SYNE1: variants seen among roughly 807,000 people sequenced by gnomAD.
SYNE1 encodes nesprin-1.
SYNE1 carries 616 observed loss-of-function variants against 1,111.0 expected under a neutral mutation model. That is an observed-to-expected ratio of 0.55 (90% confidence interval 0.52 to 0.59). The LOEUF (loss-of-function observed/expected upper bound fraction) is 0.59, where lower values mean the gene tolerates loss of function less well. SYNE1 is among the 20% of genes least tolerant of loss of function. SYNE1 has a pLI of 0.00. For synonymous variants in SYNE1, 3,855 were observed against 3,825.8 expected, an observed-to-expected ratio of 1.01 and a Z score of -0.28; for missense variants, 10,006 against 10,417.0, an observed-to-expected ratio of 0.96 and a Z score of 1.72.
At chr6:152,629,324 C>G (rs2099692859) in intron 2 of SYNE1, among the ~76,000 whole-genome samples, 1 of 151,910 alleles carries the variant, frequency 6.6e-6, no homozygotes, top group African/African-American at 2.4e-5. Flanking sequence ...CATGCCTCAG[C>G]CTCCTAAGTA....
intron 34 of SYNE1, chr6:152,433,565 A>C (rs902978113): frequency 5.5e-5 from 31 of 562,134 alleles, no homozygotes; most frequent in African/African-American, 3.9e-4. Context: ...ATTTCACACA[A>C]TATTAACTTT....
chr6:152,198,768 C>G (rs567988652), intron 127 of SYNE1, among the ~76,000 whole-genome samples: 3 of 152,256 alleles, frequency 2.0e-5, no homozygotes, highest in Admixed American at 6.5e-5. Context: ...AGATTGCTGA[C>G]TTCTATGGGC....
At chr6:152,524,398 C>A (rs1011323628) in intron 5 of SYNE1, among the ~76,000 whole-genome samples, 1 of 152,074 alleles carries the variant, frequency 6.6e-6, no homozygotes, top group Admixed American at 6.6e-5. Flanking sequence ...ACATAAACTT[C>A]TTGAATACCT....
At chr6:152,224,365 A>C in intron 117 of SYNE1, 129 bp downstream of exon 117, 5 of 906,682 alleles carry the variant, frequency 5.5e-6, no homozygotes, top group Non-Finnish European at 8.3e-6. Context: ...AATTAATTTT[A>C]AAGATCTTAA....
chr6:152,333,002 T>C (rs2096283338), intron 77 of SYNE1, among the ~76,000 whole-genome samples: 1 of 151,986 alleles, frequency 6.6e-6, no homozygotes, highest in Admixed American at 6.6e-5. Context: ...ATGTTAAGTA[T>C]CAAAGAAAAG....
In SYNE1 at chr6:152,154,890, A is replaced by G. The variant is rs544985182; in HGVS notation, c.24129+2T>C. The G allele has an allele frequency of 8.7e-6, 14 of 1,614,086 alleles. No individual in the cohort carries two copies. The East Asian group carries it at 3.1e-4, about 36-fold the overall frequency. ...GATTAAAAATTTGGAATTATAGATT[A>G]CCTCAAATTTCTTTAGTTCTTCCTT... On this transcript the variant is annotated splice_donor_variant, in intron 133 of 145. Coordinates refer to ENST00000367255, the MANE Select transcript of SYNE1 (RefSeq NM_182961.4). LOFTEE classifies it high-confidence loss of function.
At chr6:152,128,660 G>C (rs73625130) in intron 145 of SYNE1, 1 of 152,186 alleles carries the variant, frequency 6.6e-6, no homozygotes, top group South Asian at 2.1e-4. Flanking sequence ...GGAAGAATGC[G>C]TATCTAAAAA....
At chr6:152,208,356 G>A in intron 124 of SYNE1, 150 bp from the exon 125 acceptor site, 2 of 726,806 alleles carry the variant, frequency 2.8e-6, no homozygotes, top group Non-Finnish European at 4.7e-6. Flanking sequence ...TCTCTTACTG[G>A]GTTTTGGGTC....
At position 152,370,015 on chromosome 6, in the gene SYNE1, A is replaced by C. The variant is rs1261685437; in HGVS notation, c.9508-401T>G. 3.5e-5 allele frequency among the ~76,000 whole-genome samples: 5 copies of C among 143,806 alleles called. No individual in the cohort carries two copies. In the East Asian group the frequency reaches 1.0e-3, roughly 29 times the overall value. The allele number at this position is 143,806 out of a possible 152,430, so 94.3% of individuals were successfully genotyped here. On this transcript the variant is annotated intron_variant, in intron 59 of 145. Coordinates refer to ENST00000367255, the MANE Select transcript of SYNE1 (RefSeq NM_182961.4). ...AAAAAAAAAAAAAAAAAAATTCCACAAAAAAAAAACCAAGCCCGCTCCAAA... is the reference window on the plus strand; with the variant it reads ...AAAAAAAAAAAAAAAAAAATTCCACCAAAAAAAAACCAAGCCCGCTCCAAA...
intron 60 of SYNE1, 123 bp downstream of exon 60, chr6:152,369,348 A>G: frequency 1.3e-6 from 2 of 1,492,970 alleles, no homozygotes; most frequent in South Asian, 2.3e-5. Context: ...GAAATGGGGA[A>G]AAACACACTA....
At chr6:152,482,988 T>A in intron 14 of SYNE1, 97 bp downstream of exon 14, 1 of 1,354,952 alleles carries the variant, frequency 7.4e-7, no homozygotes. Context: ...AGAATTAATA[T>A]TTGGGGCGTC....
chr6:152,574,386 C>T (rs2099487997), intron 3 of SYNE1, among the ~76,000 whole-genome samples: 1 of 152,028 alleles, frequency 6.6e-6, no homozygotes, highest in African/African-American at 2.4e-5. Flanking sequence ...AAGCTCAACC[C>T]TGTGTAATTA....
intron 137 of SYNE1, chr6:152,144,198 T>A (rs975817603): frequency 1.5e-4 from 41 of 280,310 alleles, no homozygotes; most frequent in Admixed American, 3.5e-4. Flanking sequence ...CTCCCTCTGA[T>A]TTTTCTTCAT....
chr6:152,439,925 C>T (rs191989207), intron 32 of SYNE1, among the ~76,000 whole-genome samples: 21 of 152,266 alleles, frequency 1.4e-4, no homozygotes, highest in Non-Finnish European at 2.4e-4. Flanking sequence ...CTACTAAATA[C>T]GGTCTGTTTG....
In SYNE1 at chr6:152,148,253, A is replaced by T; in HGVS notation, c.24768T>A (p.Asn8256Lys). 6.2e-7 allele frequency: 1 copy of T among 1,613,658 alleles called. No homozygotes were observed. Among genetic ancestry groups the T allele is most frequent in the Non-Finnish European group, 8.5e-7 (1 of 1,179,700 alleles). Reference sequence around the variant, plus strand: ...GGGGCTGAGCGAGCGAGAGGGAGAGATTGGAGGAAGGCTGTGGAGAAAGCA... The same window carrying T: ...GGGGCTGAGCGAGCGAGAGGGAGAGTTTGGAGGAAGGCTGTGGAGAAAGCA... ...DSLLSPQPSS[N>K]LSLSLAQPLR... The change falls in exon 137 of 146, where the codon AAT (asparagine) becomes AAA (lysine). Residue 8256 changes from asparagine (N) to lysine (K), a missense_variant. By Grantham distance (94) the Asn-to-Lys change is moderately conservative. Around this residue, in one of 7 missense-constraint regions of SYNE1, gnomAD observed 761 missense variants for 795.5 expected, o/e 0.96. Transcript: ENST00000367255. The surrounding 1 kb of genome is among the most constrained non-coding windows in gnomAD (Gnocchi z 4.1).
Position 152,179,719 on chromosome 6 carries a change from T to C in SYNE1, c.23460+417A>G, listed in dbSNP as rs372211448. Among the ~76,000 whole-genome samples, 358 of 140,458 alleles carry C rather than the reference T, an allele frequency of 2.5e-3. 2 individuals carry two copies. Among genetic ancestry groups the C allele is most frequent in the African/African-American group, 9.3e-3 (345 of 36,908 alleles). The allele number at this position is 140,458 out of a possible 152,430, so 92.1% of individuals were successfully genotyped here. A position where few individuals can be genotyped will look rare whatever the true frequency, so the allele number is the denominator to read the frequency against. On this transcript the variant is annotated intron_variant, in intron 129 of 145. Transcript: ENST00000367255. ...TTTTTTTTTTGAGACAGAGTCTCGT[T>C]CTGTCACCAGGCTGGAGTGCAGTGG... is the stretch of plus-strand genomic sequence containing the variant.
Position 152,225,998 on chromosome 6 carries a change from C to G in SYNE1, c.21196-122G>C. The G allele has an allele frequency of 4.1e-6, 4 of 981,130 alleles. No homozygotes were observed. The South Asian group carries it at 4.6e-5, about 11-fold the overall frequency. The allele number at this position is 981,130 out of a possible 1,614,324, so 60.8% of individuals were successfully genotyped here. On this transcript the variant is annotated intron_variant, in intron 115 of 145. Coordinates refer to ENST00000367255, the MANE Select transcript of SYNE1 (RefSeq NM_182961.4). ...TTTTACTAATCCAAAAAGCTTATCT[C>G]TTTCAGAAGAGGCACGCTGCAGAAG...
At chr6:152,205,024 T>C (rs1222243648) in intron 126 of SYNE1, among the ~76,000 whole-genome samples, 2 of 152,104 alleles carry the variant, frequency 1.3e-5, no homozygotes, top group African/African-American at 2.4e-5. Context: ...TGTGTGCAAA[T>C]AATAGTTTTT....
Position 152,164,329 on chromosome 6 carries a change from T to A in SYNE1, c.23628-4A>T. On this transcript the variant is annotated splice_polypyrimidine_tract_variant and splice_region_variant and intron_variant, in intron 130 of 145. Transcript: ENST00000367255. Reference sequence around the variant, plus strand: ...GGTCTCCTTCAGCTTCTTCACCCTGTGGGCAGAGAAGGGGGAATGTCCCAC... The same window carrying A: ...GGTCTCCTTCAGCTTCTTCACCCTGAGGGCAGAGAAGGGGGAATGTCCCAC... The A allele has an allele frequency of 6.2e-7, 1 of 1,614,072 alleles. No homozygotes were observed. Among genetic ancestry groups the A allele is most frequent in the East Asian group, 2.2e-5 (1 of 44,874 alleles).
Sources: allele counts gnomAD v4.1 joint callset (sites outside exome capture counted in the v4.1 genomes callset), GRCh38; gene constraint gnomAD v4.1.1; regional missense constraint gnomAD v4.1.1; non-coding constraint Gnocchi (gnomAD v3.1); transcripts MANE v1.5; gene names NCBI Gene and HGNC (gene_info 2026-07-23, HGNC 2026-07-21).